Variants in IMMP2L observed in about 807,000 individuals in gnomAD.
IMMP2L encodes inner mitochondrial membrane peptidase subunit 2, also known as mitochondrial inner membrane protease subunit 2.
In IMMP2L, 18 loss-of-function variants were observed where a neutral mutation model predicts 19.3. The ratio of observed to expected loss-of-function variants is 0.93; its 90% confidence interval spans 0.64 to 1.38. The LOEUF is 1.38. Among genes scored for constraint, IMMP2L ranks in the 40% most tolerant of loss-of-function variants. The pLI is 0.00. For synonymous variants in IMMP2L, 76 were observed against 73.0 expected (o/e 1.04, Z -0.21); for missense variants, 233 against 218.2 (o/e 1.07, Z -0.43).
At chr7:110,720,179 G>A (rs1795479105) in intron 5 of IMMP2L, among the ~76,000 whole-genome samples, 2 of 152,104 alleles carry the variant, frequency 1.3e-5, no homozygotes, top group African/African-American at 2.4e-5. Flanking sequence ...AAAGCCAAAA[G>A]CAAGAGATCA....
At chr7:111,037,571 T>C (rs1407856408) in intron 3 of IMMP2L, among the ~76,000 whole-genome samples, 5 of 152,150 alleles carry the variant, frequency 3.3e-5, no homozygotes. Flanking sequence ...GTCATTTTAA[T>C]TTCAGGGTCT....
At position 110,895,311 on chromosome 7, in the gene IMMP2L, A is replaced by G. The variant is rs183005960; in HGVS notation, c.306-8616T>C. 4.6e-5 allele frequency among the ~76,000 whole-genome samples: 7 copies of G among 152,274 alleles called. No homozygotes were observed. In the East Asian group the frequency reaches 1.4e-3, roughly 29 times the overall value. On this transcript the variant is annotated intron_variant, in intron 4 of 5. Transcript: ENST00000405709. ...GGAATTGTGGGAGTTGCAATTCAAG[A>G]TGAGATTTGGGTGGGAACACAGCCA...
intron 5 of IMMP2L, among the ~76,000 whole-genome samples, chr7:110,751,186 G>A (rs1484396136): frequency 6.6e-6 from 1 of 151,288 alleles, no homozygotes; most frequent in Non-Finnish European, 1.5e-5. Flanking sequence ...AAAAAATCAT[G>A]TGTAAGACAC....
intron 3 of IMMP2L, among the ~76,000 whole-genome samples, chr7:111,032,918 G>C (rs892295606): frequency 2.6e-5 from 4 of 152,036 alleles, no homozygotes; most frequent in Non-Finnish European, 2.9e-5. Context: ...TCCGGAGTTC[G>C]AGACTAGCCT....
intron 3 of IMMP2L, among the ~76,000 whole-genome samples, chr7:111,473,980 T>C (rs1462495483): frequency 6.6e-6 from 1 of 152,116 alleles, no homozygotes; most frequent in African/African-American, 2.4e-5. Context: ...CATGGAGTAC[T>C]ACACAGCCAT....
chr7:111,353,249 A>G (rs1316642480), intron 3 of IMMP2L, among the ~76,000 whole-genome samples: 1 of 152,146 alleles, frequency 6.6e-6, no homozygotes, highest in East Asian at 1.9e-4. Flanking sequence ...ATCTTCAACT[A>G]AAGGGAGCTT....
intron 4 of IMMP2L, among the ~76,000 whole-genome samples, chr7:110,904,715 T>C (rs1297778672): frequency 1.3e-5 from 2 of 152,316 alleles, no homozygotes; most frequent in South Asian, 2.1e-4. Context: ...GGGCTTGCCA[T>C]AGAAGGATCA....
At chr7:110,839,478 T>C (rs73194901) in intron 5 of IMMP2L, among the ~76,000 whole-genome samples, 7,375 of 152,166 alleles carry the variant, frequency 0.048, 226 homozygotes, top group Middle Eastern at 0.12. Flanking sequence ...TACAAGAGAA[T>C]GTTGAGTATG....
At chr7:111,269,528 A>G (rs2130202788) in intron 3 of IMMP2L, among the ~76,000 whole-genome samples, 1 of 152,334 alleles carries the variant, frequency 6.6e-6, no homozygotes, top group South Asian at 2.1e-4. Context: ...TAATTAAAAA[A>G]TAAAAAGACA....
intron 5 of IMMP2L, among the ~76,000 whole-genome samples, chr7:110,726,868 A>G (rs1306699193): frequency 2.0e-5 from 3 of 152,212 alleles, no homozygotes; most frequent in Admixed American, 2.0e-4. Context: ...ATAATATGTG[A>G]GTGTTTCCCT....
chr7:110,887,930 G>C (rs1003793946), intron 4 of IMMP2L, among the ~76,000 whole-genome samples: 1 of 151,952 alleles, frequency 6.6e-6, no homozygotes, highest in African/African-American at 2.4e-5. Context: ...ATTTTTATTA[G>C]TTAGCAATTT....
At chr7:111,045,283 C>T (rs1792288402) in intron 3 of IMMP2L, among the ~76,000 whole-genome samples, 1 of 152,194 alleles carries the variant, frequency 6.6e-6, no homozygotes, top group Non-Finnish European at 1.5e-5. Flanking sequence ...ATTCTATGGG[C>T]TTTACTTCCT....
intron 3 of IMMP2L, among the ~76,000 whole-genome samples, chr7:111,291,671 T>C (rs1330297841): frequency 6.6e-6 from 1 of 152,118 alleles, no homozygotes; most frequent in Admixed American, 6.5e-5. Flanking sequence ...GGAATAAGCC[T>C]TAGTGATCTG....
At chr7:110,748,540 T>A (rs1221823748) in intron 5 of IMMP2L, among the ~76,000 whole-genome samples, 1 of 151,966 alleles carries the variant, frequency 6.6e-6, no homozygotes, top group South Asian at 2.1e-4. Context: ...GGTACTGGTA[T>A]CAAAACAGAT....
chr7:110,805,071 A>G (rs1801531690), intron 5 of IMMP2L, among the ~76,000 whole-genome samples: 1 of 152,136 alleles, frequency 6.6e-6, no homozygotes, highest in Non-Finnish European at 1.5e-5. Flanking sequence ...CATAGATGCT[A>G]CATTGAATTA....
At chr7:111,237,622 A>T (rs1814486967) in intron 3 of IMMP2L, among the ~76,000 whole-genome samples, 1 of 151,958 alleles carries the variant, frequency 6.6e-6, no homozygotes, top group Non-Finnish European at 1.5e-5. Flanking sequence ...ATAAAGCATT[A>T]CTATGACTAT....
At chr7:110,827,252 C>G (rs944931043) in intron 5 of IMMP2L, among the ~76,000 whole-genome samples, 3 of 152,194 alleles carry the variant, frequency 2.0e-5, no homozygotes, top group African/African-American at 4.8e-5. Context: ...ACCCAAAGAC[C>G]GTTATTAAAC....
chr7:110,809,984 A>G (rs1039720050), intron 5 of IMMP2L, among the ~76,000 whole-genome samples: 3 of 152,058 alleles, frequency 2.0e-5, no homozygotes, highest in African/African-American at 7.2e-5. Context: ...ACGAAAGACA[A>G]AGCACACCAA....
At chr7:111,152,217 T>G (rs1804158098) in intron 3 of IMMP2L, among the ~76,000 whole-genome samples, 1 of 152,284 alleles carries the variant, frequency 6.6e-6, no homozygotes, top group South Asian at 2.1e-4. Context: ...ATATGTAATA[T>G]TAATTGCTAT....
Sources: gnomAD v4.1 joint callset for allele counts (sites outside exome capture counted in the v4.1 genomes callset) on GRCh38, gnomAD v4.1.1 for gene constraint, MANE v1.5 for transcripts, NCBI Gene and HGNC (gene_info 2026-07-23, HGNC 2026-07-21) for gene names.